The following SHTN1 variants were observed in gnomAD, a reference collection of about 807,000 sequenced individuals.
SHTN1 encodes the protein shootin 1.
In SHTN1, 42 loss-of-function variants were observed where a neutral mutation model predicts 83.1. The observed-to-expected ratio is 0.51, with a 90% CI of 0.39 to 0.65. SHTN1 has a LOEUF of 0.65. Among genes scored for constraint, SHTN1 ranks in the 30% least tolerant of loss-of-function variants. The pLI is 0.00. For missense variants in SHTN1, 622 were observed against 737.8 expected, an observed-to-expected ratio of 0.84 and a Z score of 1.82; for synonymous variants, 224 against 247.7, an observed-to-expected ratio of 0.90 and a Z score of 0.90.
intron 2 of SHTN1, among the ~76,000 whole-genome samples, chr10:116,970,712 CAA>C (rs1203374258): frequency 2.9e-5 from 2 of 68,178 alleles, no homozygotes. Context: ...GACTTACTCT[CAA>C]AAAAAAAAAA....
intron 9 of SHTN1, among the ~76,000 whole-genome samples, chr10:116,938,843 C>G (rs1239363726): frequency 6.6e-6 from 1 of 152,254 alleles, no homozygotes; most frequent in African/African-American, 2.4e-5. Context: ...GCTGCTGCCT[C>G]TCTTTCAGAG....
chr10:116,940,357 T>A, intron 9 of SHTN1, 109 bp downstream of exon 9: 1 of 1,139,998 alleles, frequency 8.8e-7, no homozygotes. Context: ...AGGCAAAATA[T>A]GAAACAGTAA....
chr10:117,021,838 A>C lies in SHTN1; in HGVS notation c.-123+26607T>G, dbSNP rs187174400. 5.1e-4 allele frequency among the ~76,000 whole-genome samples: 77 copies of C among 152,362 alleles called. 1 individual carries two copies. The highest frequency in any genetic ancestry group is 1.8e-3 in the African/African-American group (74 of 41,584). On this transcript the variant is annotated intron_variant, in intron 2 of 17. Coordinates refer to the SHTN1 transcript ENST00000392901. ...ATCTGTGATGGTTAGTTTTAGTTTT[A>C]TGTAGCAATTTGGCTGTGGTATAGG...
chr10:117,082,726 T>G (rs1853289394), intron 1 of SHTN1, among the ~76,000 whole-genome samples: 1 of 151,290 alleles, frequency 6.6e-6, no homozygotes, highest in African/African-American at 2.4e-5. Flanking sequence ...GCTCCTGTAT[T>G]GGGTGCATAT....
chr10:116,891,194 C>A (rs545218031), intron 16 of SHTN1, among the ~76,000 whole-genome samples: 1 of 152,152 alleles, frequency 6.6e-6, no homozygotes, highest in Non-Finnish European at 1.5e-5. Flanking sequence ...AACTTTTAAG[C>A]GGTGAGAGTT....
At position 116,915,423 on chromosome 10, in the gene SHTN1, C is replaced by T. The variant is rs1408371394; in HGVS notation, c.1257G>A (p.Lys419=). 1.9e-6 allele frequency: 3 copies of T among 1,612,280 alleles called. No homozygotes were observed. Among genetic ancestry groups the T allele is most frequent in the Non-Finnish European group, 2.5e-6 (3 of 1,178,560 alleles). ...AVEEMMDRIK[K]GVHLRPVNQT... is the part of the protein sequence containing the mutation. Reference sequence around the variant, plus strand: ...GATTAACGGGTCTAAGATGAACTCCCTTTTTAATTCTATCCATCATCTCTT... The same window carrying T: ...GATTAACGGGTCTAAGATGAACTCCTTTTTTAATTCTATCCATCATCTCTT... Residue 419 remains lysine, a synonymous_variant, in exon 13 of 17, where the codon AAG becomes AAA. Transcript: ENST00000355371.
At chr10:116,904,994 G>A (rs1346518396) in intron 15 of SHTN1, among the ~76,000 whole-genome samples, 3 of 151,750 alleles carry the variant, frequency 2.0e-5, no homozygotes, top group East Asian at 3.9e-4. Context: ...GAGGTCAGGA[G>A]ATCGAGACCA....
At chr10:116,964,046 T>G (rs1850304385) in intron 3 of SHTN1, among the ~76,000 whole-genome samples, 1 of 152,044 alleles carries the variant, frequency 6.6e-6, no homozygotes, top group Non-Finnish European at 1.5e-5. Flanking sequence ...GTTTTACATG[T>G]CTGATTCTCT....
At chr10:117,007,541 T>A (rs10749231), upstream of SHTN1, among the ~76,000 whole-genome samples, 1 of 134,944 alleles carries the variant, frequency 7.4e-6, no homozygotes. Flanking sequence ...GGTGACAGAG[T>A]GAGACTCCAT....
At position 116,954,206 on chromosome 10, in the gene SHTN1, T is replaced by C. The variant is rs1849892139; in HGVS notation, c.272A>G (p.Asn91Ser). 1 of 1,598,680 alleles carries C rather than the reference T, an allele frequency of 6.3e-7. No individual in the cohort carries two copies. The highest frequency in any genetic ancestry group is 8.5e-7 in the Non-Finnish European group (1 of 1,172,832). The change falls in exon 5 of 17, where the codon AAT (asparagine) becomes AGT (serine). Residue 91 changes from asparagine to serine, a missense_variant. This residue lies in a region of SHTN1 where 383 missense variants were observed against 455.8 expected (regional missense o/e 0.84). Coordinates refer to ENST00000355371, the MANE Select transcript of SHTN1 (RefSeq NM_001127211.3). The part of the protein sequence containing the change: ...ESAEALATKL[N>S]KENKTLKRIS... ...TCTTTTCAACGTTTTATTTTCTTTA[T>C]TTAGCTAAGACAAAATATAAAAACA...
In SHTN1 at chr10:116,962,623, T is replaced by C. The variant is rs191597220; in HGVS notation, c.173-2393A>G. Among the ~76,000 whole-genome samples the C allele has an allele frequency of 1.0e-3, 152 of 152,138 alleles. 2 individuals carry two copies. The South Asian group carries it at 0.022, about 22-fold the overall frequency. On this transcript the variant is annotated intron_variant, in intron 3 of 16. Coordinates refer to ENST00000355371, the MANE Select transcript of SHTN1 (RefSeq NM_001127211.3). Reference sequence around the variant, plus strand: ...AGTAGTGAGGTTTAGGCCTAGCAAATAGGAAACAAAACAAAACAAAAAAAA... The same window carrying C: ...AGTAGTGAGGTTTAGGCCTAGCAAACAGGAAACAAAACAAAACAAAAAAAA...
At chr10:116,926,026 AATT>A (rs562647859) in intron 11 of SHTN1, among the ~76,000 whole-genome samples, 183 of 152,298 alleles carry the variant, frequency 1.2e-3, no homozygotes, top group African/African-American at 3.6e-3. Context: ...TTCTTTAAAA[AATT>A]ATGTCCTATA....
chr10:116,950,552 C>CT (rs571646643), intron 6 of SHTN1, among the ~76,000 whole-genome samples: 3 of 152,166 alleles, frequency 2.0e-5, no homozygotes, highest in Non-Finnish European at 4.4e-5. Context: ...AATAATACCT[C>CT]TAAGTGGGAA....
chr10:117,104,236 A>G (rs1305433266), intron 1 of SHTN1, among the ~76,000 whole-genome samples: 1 of 152,140 alleles, frequency 6.6e-6, no homozygotes, highest in Non-Finnish European at 1.5e-5. Context: ...CCCAATTCAA[A>G]TAGTATCTCT....
chr10:116,967,904 C>G (rs1850455578), intron 3 of SHTN1, among the ~76,000 whole-genome samples: 1 of 152,190 alleles, frequency 6.6e-6, no homozygotes, highest in Admixed American at 6.5e-5. Context: ...GATGTACAGG[C>G]TGGGCGCAGT....
intron 1 of SHTN1, among the ~76,000 whole-genome samples, chr10:117,061,143 T>C (rs1026927827): frequency 6.6e-6 from 1 of 150,822 alleles, no homozygotes; most frequent in African/African-American, 2.5e-5. Context: ...GTCTTTTTTT[T>C]TTTTTTTCTT....
intron 1 of SHTN1, among the ~76,000 whole-genome samples, chr10:117,106,411 C>T (rs939695839): frequency 1.1e-4 from 16 of 152,060 alleles, no homozygotes; most frequent in Non-Finnish European, 1.5e-4. Flanking sequence ...GCCGTGATTG[C>T]GCCACTGCAC....
intron 1 of SHTN1, among the ~76,000 whole-genome samples, chr10:116,993,657 C>T (rs1344363793): frequency 6.6e-6 from 1 of 152,048 alleles, no homozygotes. Context: ...GAGATGATGC[C>T]TAGCTTTGTC....
At chr10:116,940,333 G>T in intron 9 of SHTN1, 133 bp downstream of exon 9, 1 of 855,734 alleles carries the variant, frequency 1.2e-6, no homozygotes, top group Non-Finnish European at 1.7e-6. Flanking sequence ...GTGGTTGAAA[G>T]CACTTAGTAA....
Sources: allele counts gnomAD v4.1 joint callset (sites outside exome capture counted in the v4.1 genomes callset), GRCh38; gene constraint gnomAD v4.1.1; regional missense constraint gnomAD v4.1.1; transcripts MANE v1.5; gene names NCBI Gene and HGNC (gene_info 2026-07-23, HGNC 2026-07-21).